Variants in LRP1B observed in about 807,000 individuals in gnomAD.
LRP1B encodes the protein LDL receptor related protein 1B, also known as low-density lipoprotein receptor-related protein 1B.
A neutral mutation model predicts 556.6 loss-of-function variants in LRP1B; 217 were observed. That is an observed-to-expected ratio of 0.39 (90% CI 0.35 to 0.44). The LOEUF (loss-of-function observed/expected upper bound fraction) is 0.44, where lower values mean the gene tolerates loss of function less well. Among genes scored for constraint, LRP1B ranks in the 20% least tolerant of loss-of-function variants. LRP1B has a pLI of 1.00. For missense variants in LRP1B, 5,053 were observed against 5,620.8 expected (o/e 0.90, Z 3.23); for synonymous variants, 2,047 against 1,865.8 (o/e 1.10, Z -2.50).
intron 3 of LRP1B, among the ~76,000 whole-genome samples, chr2:141,369,850 T>C (rs1689164962): frequency 6.6e-6 from 1 of 152,210 alleles, no homozygotes; most frequent in Non-Finnish European, 1.5e-5. Context: ...TGCTTCCATG[T>C]ATACACATTA....
At chr2:141,382,548 G>A (rs79196296) in intron 3 of LRP1B, among the ~76,000 whole-genome samples, 8,254 of 152,242 alleles carry the variant, frequency 0.054, 255 homozygotes, top group South Asian at 0.08. Flanking sequence ...ACCTGCCAGC[G>A]CAGAGGCCTG....
intron 3 of LRP1B, among the ~76,000 whole-genome samples, chr2:141,314,826 A>G (rs865837423): frequency 1.6e-4 from 19 of 119,170 alleles, no homozygotes; most frequent in African/African-American, 3.8e-4. Context: ...ATATATATAT[A>G]TGTGTATATA....
intron 84 of LRP1B, among the ~76,000 whole-genome samples, chr2:140,285,901 T>C (rs62171601): frequency 0.043 from 6,459 of 151,898 alleles, 188 homozygotes; most frequent in South Asian, 0.07. Context: ...AACTATATGA[T>C]ATAGTAAGTA....
chr2:141,789,110 C>T (rs954713405), intron 2 of LRP1B, among the ~76,000 whole-genome samples: 3 of 151,996 alleles, frequency 2.0e-5, no homozygotes, highest in Non-Finnish European at 2.9e-5. Flanking sequence ...AATCGCCACA[C>T]TGACTTCCAC....
intron 83 of LRP1B, among the ~76,000 whole-genome samples, chr2:140,311,575 T>C (rs1684303599): frequency 6.6e-6 from 1 of 151,756 alleles, no homozygotes; most frequent in Non-Finnish European, 1.5e-5. Flanking sequence ...AAATGTACAC[T>C]ATTCAGCTAA....
chr2:142,110,876 G>A (rs1574696426), intron 1 of LRP1B, among the ~76,000 whole-genome samples: 1 of 152,098 alleles, frequency 6.6e-6, no homozygotes, highest in African/African-American at 2.4e-5. Flanking sequence ...CCTCTGCTTA[G>A]ATATCCATCT....
At chr2:141,821,416 A>G (rs1028742667) in intron 1 of LRP1B, among the ~76,000 whole-genome samples, 1 of 152,198 alleles carries the variant, frequency 6.6e-6, no homozygotes, top group Non-Finnish European at 1.5e-5. Flanking sequence ...AACATGATCT[A>G]CTTTTACATA....
intron 1 of LRP1B, among the ~76,000 whole-genome samples, chr2:141,822,421 C>T (rs1696785538): frequency 1.3e-5 from 2 of 152,210 alleles, no homozygotes; most frequent in Non-Finnish European, 1.5e-5. Flanking sequence ...TTGACATCTC[C>T]CTCGTAAATG....
At chr2:140,526,127 G>A (rs904154263) in intron 48 of LRP1B, 110 bp downstream of exon 48, 22 of 1,348,254 alleles carry the variant, frequency 1.6e-5, no homozygotes, top group Non-Finnish European at 2.2e-5. Flanking sequence ...CACAACAGGG[G>A]TTAATTACAT....
At chr2:141,675,287 G>T (rs1309016879) in intron 2 of LRP1B, among the ~76,000 whole-genome samples, 1 of 151,598 alleles carries the variant, frequency 6.6e-6, no homozygotes, top group Non-Finnish European at 1.5e-5. Flanking sequence ...CTTTTATTTT[G>T]TAGCTTGGCT....
chr2:141,341,637 CT>C (rs1250494019), intron 3 of LRP1B, among the ~76,000 whole-genome samples: 2 of 152,130 alleles, frequency 1.3e-5, no homozygotes, highest in Non-Finnish European at 2.9e-5. Context: ...TTTAGCTTTC[CT>C]TGTACTTAAG....
rs558185983 is a variant in LRP1B, at chr2:140,621,459, G to A, written c.6800-19820C>T. Among the ~76,000 whole-genome samples the A allele has an allele frequency of 9.5e-5, 14 of 146,800 alleles. No individual in the cohort carries two copies. In the South Asian group the frequency reaches 3.0e-3, roughly 32 times the overall value. Reference sequence around the variant, plus strand: ...CTATAGAGTAAAGGAAGCACAGACAGAGATATAAGGAAACAACATTTTTTT... The same window carrying A: ...CTATAGAGTAAAGGAAGCACAGACAAAGATATAAGGAAACAACATTTTTTT... On this transcript the variant is annotated intron_variant, in intron 41 of 90. Coordinates refer to ENST00000389484, the MANE Select transcript of LRP1B (RefSeq NM_018557.3).
chr2:141,518,896 G>A (rs1475064974), intron 2 of LRP1B, among the ~76,000 whole-genome samples: 1 of 152,138 alleles, frequency 6.6e-6, no homozygotes, highest in Non-Finnish European at 1.5e-5. Flanking sequence ...GCTGCAGTGA[G>A]CTGAGATCGT....
At chr2:140,808,554 G>A (rs1690808212) in intron 32 of LRP1B, among the ~76,000 whole-genome samples, 1 of 152,004 alleles carries the variant, frequency 6.6e-6, no homozygotes, top group African/African-American at 2.4e-5. Context: ...TCCCTGATCT[G>A]CTATTTTTTC....
At chr2:140,958,756 A>G (rs1392773615) in intron 18 of LRP1B, among the ~76,000 whole-genome samples, 3 of 151,706 alleles carry the variant, frequency 2.0e-5, no homozygotes, top group African/African-American at 7.2e-5. Context: ...GAACACATGT[A>G]TAAAACCTGA....
At chr2:141,464,180 A>G (rs1682067824) in intron 3 of LRP1B, among the ~76,000 whole-genome samples, 2 of 152,116 alleles carry the variant, frequency 1.3e-5, no homozygotes, top group African/African-American at 4.8e-5. Flanking sequence ...AAAAAGAAGC[A>G]TAACACCACA....
At chr2:142,018,228 C>CT (rs2105170637) in intron 1 of LRP1B, among the ~76,000 whole-genome samples, 1 of 152,238 alleles carries the variant, frequency 6.6e-6, no homozygotes, top group East Asian at 1.9e-4. Context: ...CATCATTCTT[C>CT]TTAAGTTGCA....
chr2:141,671,243 T>A (rs2105412702), intron 2 of LRP1B, among the ~76,000 whole-genome samples: 1 of 152,288 alleles, frequency 6.6e-6, no homozygotes, highest in Non-Finnish European at 1.5e-5. Context: ...GAGAACAGAA[T>A]AGTAAGATAT....
chr2:141,300,192 C>G (rs1686336671), intron 3 of LRP1B, among the ~76,000 whole-genome samples: 1 of 152,136 alleles, frequency 6.6e-6, no homozygotes, highest in Non-Finnish European at 1.5e-5. Context: ...AAATAAATAT[C>G]TGTTGAATAT....
Sources: allele counts gnomAD v4.1 joint callset (sites outside exome capture counted in the v4.1 genomes callset), GRCh38; gene constraint gnomAD v4.1.1; transcripts MANE v1.5; gene names NCBI Gene and HGNC (gene_info 2026-07-23, HGNC 2026-07-21).